Variants in MAP3K12 observed in about 807,000 individuals in gnomAD.
MAP3K12 encodes the protein mitogen-activated protein kinase kinase kinase 12, also known as MAPK-upstream kinase.
In MAP3K12, 14 loss-of-function variants were observed where a neutral mutation model predicts 87.5. The observed-to-expected ratio is 0.16, with a 90% CI of 0.11 to 0.25. The LOEUF (loss-of-function observed/expected upper bound fraction) is 0.25, where lower values mean the gene tolerates loss of function less well. Ranked by LOEUF, MAP3K12 falls within the 10% of genes least tolerant of loss-of-function variation. MAP3K12 has a pLI of 1.00. For synonymous variants in MAP3K12, 469 were observed against 452.5 expected (o/e 1.04, Z -0.46); for missense variants, 802 against 1,140.4 (o/e 0.70, Z 4.27).
At chr12:53,491,296 A>AAAAAAAAAG (rs1240278508) in intron 1 of MAP3K12, among the ~76,000 whole-genome samples, 1 of 145,570 alleles carries the variant, frequency 6.9e-6, no homozygotes, top group East Asian at 2.0e-4. Context: ...TCAAAAAAAA[A>AAAAAAAAAG]AAAAAAAAAG....
chr12:53,485,296 A>G (rs750215332), intron 5 of MAP3K12, 21 bp downstream of exon 5: 1 of 1,608,954 alleles, frequency 6.2e-7, no homozygotes, highest in African/African-American at 1.3e-5. Context: ...CACTCTTCTC[A>G]GTTTTCAGCC....
Position 53,486,526 on chromosome 12 carries a change from T to A in MAP3K12, c.542A>T (p.Glu181Val). Reference protein sequence around the residue: ...AVFLGRFHGEEVAVKKVRDLK... With the variant: ...AVFLGRFHGEVVAVKKVRDLK... ...GTCTCGCACCTTCTTCACAGCCACC[T>A]CCTCCCCGTGGAAGCGCCCCAGGAA... The change falls in exon 3 of 14, where the codon GAG (glutamate) becomes GTG (valine). Residue 181 changes from glutamate (E) to valine (V), a missense_variant. Physicochemically the swap from Glu to Val is moderately radical, Grantham distance 121 (BLOSUM62 -2). Transcript: ENST00000547488. This position sits in a 1 kb window ranked among gnomAD's most constrained non-coding sequence, Gnocchi z 4.9. 6.2e-7 allele frequency: 1 copy of A among 1,613,876 alleles called. No individual in the cohort carries two copies. The highest frequency in any genetic ancestry group is 8.5e-7 in the Non-Finnish European group (1 of 1,180,014).
In MAP3K12 at chr12:53,487,073, C is replaced by G. The variant is rs1943246557; in HGVS notation, c.319G>C (p.Ala107Pro). ...TGGCACTGCAGTCGCACCTCGTCAG[C>G]TCGAACTCTGGATGCCCGACTCTCA... ...SPESRASRVR[A>P]DEVRLQCQSG... The change falls in exon 2 of 14, where the codon GCT (alanine) becomes CCT (proline). Residue 107 changes from alanine to proline, a missense_variant. By Grantham distance (27) the Ala-to-Pro change is conservative. Around this residue, in one of 5 missense-constraint regions of MAP3K12, gnomAD observed 135 missense variants for 151.6 expected, o/e 0.89. Coordinates refer to ENST00000547488, the MANE Select transcript of MAP3K12 (RefSeq NM_001193511.2). The G allele has an allele frequency of 6.2e-7, 1 of 1,614,110 alleles. No homozygotes were observed. The highest frequency in any genetic ancestry group is 8.5e-7 in the Non-Finnish European group (1 of 1,180,012).
Position 53,486,507 on chromosome 12 carries a change from C to T in MAP3K12, c.561G>A (p.Val187=). Residue 187 remains valine, a synonymous_variant, in exon 3 of 14, where the codon GTG becomes GTA. Coordinates refer to ENST00000547488, the MANE Select transcript of MAP3K12 (RefSeq NM_001193511.2). The surrounding 1 kb of genome is among the most constrained non-coding windows in gnomAD (Gnocchi z 4.9). ...TGATGTCGGTTTCTTTGAGGTCTCG[C>T]ACCTTCTTCACAGCCACCTCCTCCC... is the stretch of plus-strand genomic sequence containing the variant. The part of the protein sequence containing the change: ...FHGEEVAVKK[V]RDLKETDIKH... The T allele has an allele frequency of 6.2e-7, 1 of 1,614,210 alleles. No individual in the cohort carries two copies. The highest frequency in any genetic ancestry group is 8.5e-7 in the Non-Finnish European group (1 of 1,180,040).
rs1942959720 is a variant in MAP3K12, at chr12:53,480,129, AC to A, written c.*1052del. ...GGAGGGGGTGGGGGAAAGGAATGAC[AC>A]ATGACATACATGGCATACACATTAA... On this transcript the variant is annotated 3_prime_UTR_variant, in exon 14 of 14. Coordinates refer to ENST00000547488, the MANE Select transcript of MAP3K12 (RefSeq NM_001193511.2). The A allele has an allele frequency of 6.6e-6, 1 of 152,154 alleles. No homozygotes were observed. The highest frequency in any genetic ancestry group is 2.4e-5 in the African/African-American group (1 of 41,418). The allele number at this position is 152,154 out of a possible 1,614,324, so 9.4% of individuals were successfully genotyped here.
Position 53,486,837 on chromosome 12 carries a change from G to T in MAP3K12, c.445+110C>A. On this transcript the variant is annotated intron_variant, in intron 2 of 13. Transcript: ENST00000547488. The surrounding 1 kb of genome is among the most constrained non-coding windows in gnomAD (Gnocchi z 4.9). ...AGGCTGATGGATGGCTAAGGGACTA[G>T]GGCTGGGCCATGGGGAGGGAAGGGA... The T allele has an allele frequency of 1.3e-6, 2 of 1,552,146 alleles. No homozygotes were observed. The highest frequency in any genetic ancestry group is 1.7e-6 in the Non-Finnish European group (2 of 1,148,372).
Position 53,480,667 on chromosome 12 carries a change from C to T in MAP3K12, c.*515G>A, listed in dbSNP as rs991619529. 1 of 152,522 alleles carries T rather than the reference C, an allele frequency of 6.6e-6. No individual in the cohort carries two copies. The highest frequency in any genetic ancestry group is 2.4e-5 in the African/African-American group (1 of 41,390). The allele number at this position is 152,522 out of a possible 1,614,324, so 9.4% of individuals were successfully genotyped here. A position where few individuals can be genotyped will look rare whatever the true frequency, so the allele number is the denominator to read the frequency against. On this transcript the variant is annotated 3_prime_UTR_variant, in exon 14 of 14. Coordinates refer to ENST00000547488, the MANE Select transcript of MAP3K12 (RefSeq NM_001193511.2). Reference sequence around the variant, plus strand: ...CCTCCCCCTGGGCCTTAAGACAGGGCTTGGGCAGAGAAGATAAATGGTGGG... The same window carrying T: ...CCTCCCCCTGGGCCTTAAGACAGGGTTTGGGCAGAGAAGATAAATGGTGGG...
At chr12:53,488,141 C>A (rs1565888701) in intron 1 of MAP3K12, among the ~76,000 whole-genome samples, 1 of 152,200 alleles carries the variant, frequency 6.6e-6, no homozygotes, top group South Asian at 2.1e-4. Flanking sequence ...GTTCTGTCCC[C>A]CCAGCACAGG....
At chr12:53,498,408 G>A (rs1943587324) in intron 1 of MAP3K12, among the ~76,000 whole-genome samples, 1 of 152,080 alleles carries the variant, frequency 6.6e-6, no homozygotes. Context: ...GGTGGGGTGA[G>A]GAGACCTCAT....
Position 53,483,991 on chromosome 12 carries a change from G to C in MAP3K12, c.1278C>G (p.His426Gln). ...QAEWREEVKL[H>Q]FEKIKSEGTC... ...TCCCTTCTGACTTAATCTTTTCAAAGTGCAGTTTTACTTCTTCCCGCCACT... is the reference window on the plus strand; with the variant it reads ...TCCCTTCTGACTTAATCTTTTCAAACTGCAGTTTTACTTCTTCCCGCCACT... The change falls in exon 8 of 14, where the codon CAC becomes CAG. Residue 426 changes from histidine (H) to glutamine (Q), a missense_variant. His to Gln is a conservative substitution (Grantham distance 24). Transcript: ENST00000547488. 1.2e-6 allele frequency: 2 copies of C among 1,613,944 alleles called. No homozygotes were observed. Among genetic ancestry groups the C allele is most frequent in the East Asian group, 4.5e-5 (2 of 44,874 alleles).
rs780256956 is a variant in MAP3K12, at chr12:53,491,287, C to CA, written c.-37-3860dup. Among the ~76,000 whole-genome samples, 116 of 52,850 alleles carry CA rather than the reference C, an allele frequency of 2.2e-3. 3 individuals carry two copies. The highest frequency in any genetic ancestry group is 5.2e-3 in the African/African-American group (83 of 15,898). The allele number at this position is 52,850 out of a possible 152,430, so 34.7% of individuals were successfully genotyped here. A position where few individuals can be genotyped will look rare whatever the true frequency, so the allele number is the denominator to read the frequency against. On this transcript the variant is annotated intron_variant, in intron 1 of 13. Transcript: ENST00000547488. ...TGGGCGACAGAGTGAGACTCTGTCT[C>CA]AAAAAAAAAAAAAAAAAAGAAAAGA...
At chr12:53,494,072 GTTTCC>G (rs1417335145) in intron 1 of MAP3K12, among the ~76,000 whole-genome samples, 2 of 152,106 alleles carry the variant, frequency 1.3e-5, no homozygotes, top group African/African-American at 4.8e-5. Context: ...ACCCCTTTTT[GTTTCC>G]TTTATTTCTG....
At chr12:53,481,812 A>G (rs1324232404) in intron 13 of MAP3K12, 129 bp downstream of exon 13, 3 of 1,150,712 alleles carry the variant, frequency 2.6e-6, no homozygotes, top group African/African-American at 3.1e-5. Context: ...AAATTCCACC[A>G]CGTGGATATT....
chr12:53,492,000 AG>A (rs1465842717), intron 1 of MAP3K12, among the ~76,000 whole-genome samples: 2 of 150,760 alleles, frequency 1.3e-5, no homozygotes, highest in Non-Finnish European at 3.0e-5. Flanking sequence ...GCTTGAGCCC[AG>A]GAGGTGGAGG....
Position 53,482,831 on chromosome 12 carries a change from C to T in MAP3K12, c.1972G>A (p.Ala658Thr). 4 of 1,609,514 alleles carry T rather than the reference C, an allele frequency of 2.5e-6. No individual in the cohort carries two copies. Among genetic ancestry groups the T allele is most frequent in the Non-Finnish European group, 1.7e-6 (2 of 1,177,384 alleles). The change falls in exon 11 of 14, where the codon GCC becomes ACC. Residue 658 changes from alanine to threonine, a missense_variant. By Grantham distance (58) the Ala-to-Thr change is moderately conservative. Around this residue, in one of 5 missense-constraint regions of MAP3K12, gnomAD observed 490 missense variants for 496.6 expected, o/e 0.99. Transcript: ENST00000547488. ...CCAGGATCCCCAGCTCCGCCTGTGG[C>T]CCCCCGGCCCCGGGACCCTAGTGCT... ...SAALGSRGRG[A>T]TGGAGDPGSP...
chr12:53,490,634 C>T (rs952336476), intron 1 of MAP3K12, among the ~76,000 whole-genome samples: 2 of 151,474 alleles, frequency 1.3e-5, no homozygotes, highest in African/African-American at 4.9e-5. Context: ...GTCCCAGCTA[C>T]TCGGGAGGCT....
At chr12:53,484,799 T>C (rs911315795) in intron 6 of MAP3K12, 1 of 539,476 alleles carries the variant, frequency 1.9e-6, no homozygotes, top group Non-Finnish European at 3.3e-6. Context: ...CTTGTACTTG[T>C]ATGCACTCAC....
rs1353434261 is a variant in MAP3K12, at chr12:53,498,388, G to A, written c.-38+1039C>T. Among the ~76,000 whole-genome samples, 9 of 152,162 alleles carry A rather than the reference G, an allele frequency of 5.9e-5. No homozygotes were observed. The South Asian group carries it at 8.3e-4, about 14-fold the overall frequency. Reference sequence around the variant, plus strand: ...GAGGGATGCACTGACTGTGGCTTGAGACGACTCTGGGTGGGGTGAGGAGAC... The same window carrying A: ...GAGGGATGCACTGACTGTGGCTTGAAACGACTCTGGGTGGGGTGAGGAGAC... On this transcript the variant is annotated intron_variant, in intron 1 of 13. Coordinates refer to ENST00000547488, the MANE Select transcript of MAP3K12 (RefSeq NM_001193511.2).
intron 1 of MAP3K12, among the ~76,000 whole-genome samples, chr12:53,491,436 GGTT>G (rs1294803703): frequency 6.6e-6 from 1 of 151,276 alleles, no homozygotes; most frequent in Non-Finnish European, 1.5e-5. Flanking sequence ...AAGGCATAGA[GGTT>G]TTTTTTTTTT....
Sources: gnomAD v4.1 joint callset for allele counts (sites outside exome capture counted in the v4.1 genomes callset) on GRCh38, gnomAD v4.1.1 for gene constraint, gnomAD v4.1.1 regional missense constraint, Gnocchi (gnomAD v3.1) non-coding constraint, MANE v1.5 for transcripts, NCBI Gene and HGNC (gene_info 2026-07-23, HGNC 2026-07-21) for gene names.